The following ZFPM2 variants were observed in gnomAD, a reference collection of about 807,000 sequenced individuals.
The protein encoded by ZFPM2 is zinc finger protein, FOG family member 2, also known as zinc finger protein ZFPM2.
Under a neutral mutation model 98.6 loss-of-function variants are expected in ZFPM2, and 20 were observed. The ratio of observed to expected loss-of-function variants is 0.20; its 90% CI spans 0.14 to 0.29. ZFPM2 has a LOEUF of 0.29. Ranked by LOEUF, ZFPM2 falls within the 10% of genes least tolerant of loss-of-function variation. The probability of loss-of-function intolerance (pLI) is 1.00; values close to 1 mark genes in which losing one functional copy is unlikely to be tolerated. For synonymous variants in ZFPM2, 518 were observed against 502.7 expected (o/e 1.03, Z -0.41); for missense variants, 1,310 against 1,388.6 (o/e 0.94, Z 0.90).
At chr8:105,604,189 C>CA (rs1816149887) in intron 4 of ZFPM2, among the ~76,000 whole-genome samples, 1 of 151,956 alleles carries the variant, frequency 6.6e-6, no homozygotes, top group African/African-American at 2.4e-5. Context: ...ATCATTCATC[C>CA]AGTTTTTCAG....
chr8:105,675,744 A>G (rs1237025142), intron 5 of ZFPM2, among the ~76,000 whole-genome samples: 1 of 152,218 alleles, frequency 6.6e-6, no homozygotes, highest in Non-Finnish European at 1.5e-5. Context: ...CACTAGATTT[A>G]CAATACCAGA....
At chr8:105,379,042 A>G (rs73300116) in intron 1 of ZFPM2, among the ~76,000 whole-genome samples, 12,415 of 152,120 alleles carry the variant, frequency 0.082, 1,670 homozygotes, top group African/African-American at 0.28. Context: ...ACCTATTTAG[A>G]TAATTATACT....
chr8:105,770,693 C>A (rs535706712), intron 5 of ZFPM2, among the ~76,000 whole-genome samples: 2 of 152,106 alleles, frequency 1.3e-5, no homozygotes, highest in African/African-American at 4.8e-5. Flanking sequence ...GGCTACTCTA[C>A]GCTATTAAAC....
At chr8:105,448,629 T>C (rs1280866110) in intron 3 of ZFPM2, among the ~76,000 whole-genome samples, 1 of 151,998 alleles carries the variant, frequency 6.6e-6, no homozygotes, top group Non-Finnish European at 1.5e-5. Flanking sequence ...TAGAGTATGG[T>C]TTAAACTACA....
rs761887661 is a variant in ZFPM2 at position 105,801,269 on chromosome 8, A to G, written c.1187A>G (p.Asp396Gly). ...AGCGGCAAACTTCCCAGAGAAAGTG[A>G]CATGGAACACTCTCCAAGTGCAACT... ...VPSGKLPRES[D>G]MEHSPSATED... Residue 396 changes from aspartate to glycine, a missense_variant, in exon 8 of 8, where the codon GAC becomes GGC. Coordinates refer to ENST00000407775, the MANE Select transcript of ZFPM2 (RefSeq NM_012082.4). 1 of 1,613,942 alleles carries G rather than the reference A, an allele frequency of 6.2e-7. No individual in the cohort carries two copies. Among genetic ancestry groups the G allele is most frequent in the South Asian group, 1.1e-5 (1 of 91,074 alleles).
At chr8:105,589,087 G>A (rs1472379323) in intron 4 of ZFPM2, among the ~76,000 whole-genome samples, 2 of 152,212 alleles carry the variant, frequency 1.3e-5, no homozygotes, top group African/African-American at 4.8e-5. Context: ...TCAATGAAGG[G>A]TGAGAGAAAC....
intron 1 of ZFPM2, among the ~76,000 whole-genome samples, chr8:105,401,104 C>G (rs1484931698): frequency 6.6e-6 from 1 of 151,300 alleles, no homozygotes; most frequent in Non-Finnish European, 1.5e-5. Context: ...AAAACAGGCT[C>G]TTTATTTTCT....
At chr8:105,366,354 G>A (rs1447337829) in intron 1 of ZFPM2, among the ~76,000 whole-genome samples, 2 of 152,104 alleles carry the variant, frequency 1.3e-5, no homozygotes, top group Non-Finnish European at 2.9e-5. Context: ...AGAAATCACT[G>A]AGGAGGCATC....
intron 4 of ZFPM2, among the ~76,000 whole-genome samples, chr8:105,603,687 A>G (rs566881020): frequency 6.6e-6 from 1 of 152,106 alleles, no homozygotes; most frequent in Non-Finnish European, 1.5e-5. Flanking sequence ...TGTAGTACTC[A>G]TTAGCTGTGT....
At chr8:105,460,736 G>A (rs1427896288) in intron 3 of ZFPM2, among the ~76,000 whole-genome samples, 1 of 151,818 alleles carries the variant, frequency 6.6e-6, no homozygotes, top group Non-Finnish European at 1.5e-5. Context: ...GCAAATAAAA[G>A]CAAGAGTTTT....
chr8:105,424,439 C>T (rs1313760732), intron 2 of ZFPM2, among the ~76,000 whole-genome samples: 1 of 151,890 alleles, frequency 6.6e-6, no homozygotes, highest in East Asian at 1.9e-4. Context: ...TCTGGAAATA[C>T]TAGGTTTAAA....
intron 3 of ZFPM2, among the ~76,000 whole-genome samples, chr8:105,521,379 C>G (rs1287670903): frequency 7.5e-6 from 1 of 134,032 alleles, no homozygotes; most frequent in African/African-American, 2.8e-5. Flanking sequence ...CAGTGAAACT[C>G]TTAGCTCAGA....
chr8:105,727,050 A>C (rs1027907548), intron 5 of ZFPM2, among the ~76,000 whole-genome samples: 2 of 151,776 alleles, frequency 1.3e-5, no homozygotes, highest in Non-Finnish European at 2.9e-5. Flanking sequence ...GGAGATAATA[A>C]ATCTTCGGAT....
In ZFPM2 at chr8:105,801,714, G is replaced by A. The variant is rs187043152; in HGVS notation, c.1632G>A (p.Met544Ile). 4.5e-3 allele frequency: 7,246 copies of A among 1,613,784 alleles called. 18 individuals are homozygous for A. The highest frequency in any genetic ancestry group is 5.3e-3 in the Non-Finnish European group (6,259 of 1,179,852). ...SYPPVIYSPLMPKGATCFECN... is the reference protein window; with the variant it reads ...SYPPVIYSPLIPKGATCFECN... ...CTCCCGTCATTTACAGCCCTTTGATGCCCAAGGGGGCTACTTGTTTTGAGT... is the reference window on the plus strand; with the variant it reads ...CTCCCGTCATTTACAGCCCTTTGATACCCAAGGGGGCTACTTGTTTTGAGT... The change falls in exon 8 of 8, where the codon ATG (methionine) becomes ATA (isoleucine). Residue 544 changes from methionine (M) to isoleucine (I), a missense_variant. Coordinates refer to ENST00000407775, the MANE Select transcript of ZFPM2 (RefSeq NM_012082.4).
At chr8:105,342,201 TAA>T (rs1812443274) in intron 1 of ZFPM2, among the ~76,000 whole-genome samples, 1 of 152,064 alleles carries the variant, frequency 6.6e-6, no homozygotes, top group East Asian at 1.9e-4. Flanking sequence ...ATTTAAGTGA[TAA>T]GTTAACCTTT....
chr8:105,772,865 T>C (rs1813011344), intron 5 of ZFPM2, among the ~76,000 whole-genome samples: 1 of 152,176 alleles, frequency 6.6e-6, no homozygotes, highest in Non-Finnish European at 1.5e-5. Context: ...GAACCCAGGC[T>C]TCTGTTCTTA....
chr8:105,664,324 T>C (rs1275144495), intron 5 of ZFPM2, among the ~76,000 whole-genome samples: 2 of 44,754 alleles, frequency 4.5e-5, no homozygotes, highest in African/African-American at 8.0e-5. Flanking sequence ...AAAATTCTTG[T>C]GTGTGTGTGT....
chr8:105,628,563 T>G (rs1468244049), intron 4 of ZFPM2, among the ~76,000 whole-genome samples: 1 of 152,148 alleles, frequency 6.6e-6, no homozygotes, highest in Non-Finnish European at 1.5e-5. Flanking sequence ...ATCATATGCC[T>G]ATAAAAACCC....
intron 5 of ZFPM2, among the ~76,000 whole-genome samples, chr8:105,773,204 A>G (rs1191877138): frequency 1.3e-5 from 2 of 152,166 alleles, no homozygotes; most frequent in African/African-American, 2.4e-5. Flanking sequence ...GACTCTAGGT[A>G]TATATACCAA....
Sources: allele counts gnomAD v4.1 joint callset (sites outside exome capture counted in the v4.1 genomes callset), GRCh38; gene constraint gnomAD v4.1.1; transcripts MANE v1.5; gene names NCBI Gene and HGNC (gene_info 2026-07-23, HGNC 2026-07-21).